Variants in CHRNA1 observed in about 807,000 individuals in gnomAD.
CHRNA1 encodes the protein cholinergic receptor nicotinic alpha 1 subunit, also known as acetylcholine receptor subunit alpha.
A neutral mutation model predicts 47.1 loss-of-function variants in CHRNA1; 35 were observed. The observed-to-expected ratio is 0.74, with a 90% CI of 0.57 to 0.99. The LOEUF (loss-of-function observed/expected upper bound fraction) is 0.99. Among genes scored for constraint, CHRNA1 ranks in the 50% least tolerant of loss-of-function variants. The probability of loss-of-function intolerance (pLI) is 0.00; values close to 1 mark genes in which losing one functional copy is unlikely to be tolerated. For missense variants in CHRNA1, 506 were observed against 591.1 expected (o/e 0.86, Z 1.49); for synonymous variants, 229 against 223.6 (o/e 1.02, Z -0.22).
chr2:174,753,013 G>A (rs1328272339), intron 6 of CHRNA1: 3 of 225,868 alleles, frequency 1.3e-5, no homozygotes, highest in Non-Finnish European at 2.7e-5. Flanking sequence ...CAGCCACTTG[G>A]GAAGTAGGGT....
chr2:174,764,388 G>T lies in CHRNA1; in HGVS notation c.7C>A (p.Pro3Thr). 1 of 1,613,124 alleles carries T rather than the reference G, an allele frequency of 6.2e-7. No individual in the cohort carries two copies. Among genetic ancestry groups the T allele is most frequent in the Non-Finnish European group, 8.5e-7 (1 of 1,179,604 alleles). ...CTAAAGAGCAGGAGGAGAGGCCAGG[G>T]CTCCATGGGCTACCGGAGCTTGTGT... ME[P>T]WPLLLLFSLC... Residue 3 changes from proline to threonine, a missense_variant, in exon 1 of 9, where the codon CCC becomes ACC. Pro to Thr is a conservative substitution (Grantham distance 38). Transcript: ENST00000348749.
chr2:174,749,988 G>A lies in CHRNA1; in HGVS notation c.960C>T (p.His320=), dbSNP rs2229957. The part of the protein sequence containing the change: ...IITVIVINTH[H]RSPSTHVMPN... ...GCATGACATGGGTGCTGGGTGAGCG[G>A]TGGTGTGTGTTGATGACGATGACAG... is the stretch of plus-strand genomic sequence containing the variant. The change falls in exon 7 of 9, where the codon CAC becomes CAT. Residue 320 remains histidine, a synonymous_variant. Transcript: ENST00000348749. 118,201 of 1,613,996 alleles carry A rather than the reference G, an allele frequency of 0.073. 5,798 individuals carry two copies. Among genetic ancestry groups the A allele is most frequent in the South Asian group, 0.2 (18,033 of 91,064 alleles).
intron 5 of CHRNA1, 44 bp from the exon 6 acceptor site, chr2:174,753,784 T>G (rs1309129680): frequency 6.3e-7 from 1 of 1,583,422 alleles, no homozygotes; most frequent in East Asian, 2.2e-5. Flanking sequence ...CAGGTCACCC[T>G]GATGAGGGGC....
chr2:174,755,705 T>C (rs1328850180), intron 4 of CHRNA1, among the ~76,000 whole-genome samples: 2 of 152,096 alleles, frequency 1.3e-5, no homozygotes, highest in African/African-American at 2.4e-5. Flanking sequence ...GGCGTGAGCA[T>C]TGCGCCCAGT....
Position 174,759,548 on chromosome 2 carries a change from T to G in CHRNA1, c.129A>C (p.Glu43Asp), listed in dbSNP as rs140247604. 6.2e-7 allele frequency: 1 copy of G among 1,613,990 alleles called. No individual in the cohort carries two copies. The change falls in exon 2 of 9, where the codon GAA (glutamate) becomes GAC (aspartate). Residue 43 changes from glutamate to aspartate, a missense_variant. Transcript: ENST00000348749. ...TGACCTCCACGACCTGGCGGTGGTC[T>G]TCCACTGGCCGCACCACGCTGCTGT... Reference protein sequence around the residue: ...KDYSSVVRPVEDHRQVVEVTV... With the variant: ...KDYSSVVRPVDDHRQVVEVTV...
At position 174,748,724 on chromosome 2, in the gene CHRNA1, A is replaced by G; in HGVS notation, c.1098T>C (p.Ile366=). 1 of 1,614,226 alleles carries G rather than the reference A, an allele frequency of 6.2e-7. No individual in the cohort carries two copies. The highest frequency in any genetic ancestry group is 8.5e-7 in the Non-Finnish European group (1 of 1,180,036). ...GCTTTCCAGAAATGTCAGAGATATC[A>G]ATGTCTTCTGTAAAAATCTTTTTGT... ...KQDKKIFTED[I]DISDISGKPG... The change falls in exon 8 of 9, where the codon ATT becomes ATC. Residue 366 remains isoleucine, a synonymous_variant. Transcript: ENST00000348749.
intron 6 of CHRNA1, chr2:174,753,284 G>T (rs1373169431): frequency 5.7e-6 from 4 of 697,848 alleles, no homozygotes; most frequent in African/African-American, 1.7e-5. Flanking sequence ...CTAGGGTCAT[G>T]TTCAACTCCC....
At chr2:174,761,518 T>C (rs1684100168) in intron 1 of CHRNA1, among the ~76,000 whole-genome samples, 2 of 152,146 alleles carry the variant, frequency 1.3e-5, no homozygotes, top group African/African-American at 4.8e-5. Flanking sequence ...TTTTGCCACA[T>C]TGTTCAGGCT....
chr2:174,750,279 C>A, intron 6 of CHRNA1, 110 bp from the exon 7 acceptor site: 1 of 812,096 alleles, frequency 1.2e-6, no homozygotes, highest in Non-Finnish European at 2.0e-6. Flanking sequence ...GTCCTGGGAC[C>A]TAAGAATGTG....
Position 174,750,107 on chromosome 2 carries a change from C to T in CHRNA1, c.841G>A (p.Val281Met), listed in dbSNP as rs764265345. The T allele has an allele frequency of 1.7e-5, 28 of 1,613,358 alleles. No homozygotes were observed. Among genetic ancestry groups the T allele is most frequent in the African/African-American group, 2.7e-5 (2 of 74,572 alleles). Reference protein sequence around the residue: ...LSLTVFLLVIVELIPSTSSAV... With the variant: ...LSLTVFLLVIMELIPSTSSAV... ...CTGGACGTGGAGGGGATCAGCTCCA[C>T]GATGACCAGAAGGAACACAGTCAAA... Residue 281 changes from valine (V) to methionine (M), a missense_variant, in exon 7 of 9, where the codon GTG (valine) becomes ATG (methionine). Physicochemically the swap from Val to Met is conservative, Grantham distance 21. Transcript: ENST00000348749.
At chr2:174,754,645 G>C (rs1283295878) in intron 4 of CHRNA1, among the ~76,000 whole-genome samples, 1 of 152,050 alleles carries the variant, frequency 6.6e-6, no homozygotes, top group African/African-American at 2.4e-5. Flanking sequence ...AGTAAACCCT[G>C]AATCTGAGTA....
At chr2:174,762,317 T>C (rs997979522) in intron 1 of CHRNA1, among the ~76,000 whole-genome samples, 5 of 152,218 alleles carry the variant, frequency 3.3e-5, no homozygotes, top group Non-Finnish European at 7.4e-5. Context: ...GATTAGTTCT[T>C]CATGGATTCA....
chr2:174,762,206 T>G (rs1684113425), intron 1 of CHRNA1, among the ~76,000 whole-genome samples: 1 of 152,160 alleles, frequency 6.6e-6, no homozygotes. Context: ...ATTCTTTTCT[T>G]TTTTCCTCCC....
chr2:174,759,378 G>T lies in CHRNA1; in HGVS notation c.190-3C>A. On this transcript the variant is annotated splice_polypyrimidine_tract_variant and splice_region_variant and intron_variant, in intron 2 of 8. Transcript: ENST00000348749. Reference sequence around the variant, plus strand: ...GTCACGATCTGATTTACTTCATCCTGGAAAAAAAAATAAGGATCATTTTTA... The same window carrying T: ...GTCACGATCTGATTTACTTCATCCTTGAAAAAAAAATAAGGATCATTTTTA... 1.3e-6 allele frequency: 2 copies of T among 1,588,878 alleles called. No individual in the cohort carries two copies. The highest frequency in any genetic ancestry group is 2.2e-5 in the South Asian group (2 of 90,586).
Position 174,764,375 on chromosome 2 carries a change from A to C in CHRNA1, c.20T>G (p.Leu7Arg). ...ACCTGAGCAAAGGCTAAAGAGCAGG[A>C]GGAGAGGCCAGGGCTCCATGGGCTA... MEPWPL[L>R]LLFSLCSAGL... The change falls in exon 1 of 9, where the codon CTC (leucine) becomes CGC (arginine). Residue 7 changes from leucine (L) to arginine (R), a missense_variant. Physicochemically the swap from Leu to Arg is moderately radical, Grantham distance 102. Coordinates refer to ENST00000348749, the MANE Select transcript of CHRNA1 (RefSeq NM_000079.4). 2.5e-6 allele frequency: 4 copies of C among 1,613,416 alleles called. No individual in the cohort carries two copies. The highest frequency in any genetic ancestry group is 1.6e-4 in the Middle Eastern group (1 of 6,062).
chr2:174,753,120 A>G, intron 6 of CHRNA1: 1 of 476,386 alleles, frequency 2.1e-6, no homozygotes, highest in East Asian at 3.8e-5. Flanking sequence ...AGGATTAGTC[A>G]GTACATAGAA....
intron 3 of CHRNA1, 28 bp from the exon 4 acceptor site, chr2:174,757,703 A>C: frequency 1.0e-5 from 16 of 1,582,272 alleles, no homozygotes; most frequent in Non-Finnish European, 1.4e-5. Context: ...CAGCTAATTA[A>C]AAAGCCAAAA....
In CHRNA1 at chr2:174,747,680, G is replaced by T; in HGVS notation, c.*444C>A. The T allele has an allele frequency of 4.7e-6, 1 of 213,698 alleles. No individual in the cohort carries two copies. The highest frequency in any genetic ancestry group is 9.6e-6 in the Non-Finnish European group (1 of 104,356). 13.2% of individuals were successfully genotyped at this position (213,698 alleles called of 1,614,324 possible). A position where few individuals can be genotyped will look rare whatever the true frequency, so the allele number is the denominator to read the frequency against. On this transcript the variant is annotated 3_prime_UTR_variant, in exon 9 of 9. Transcript: ENST00000348749. ...ATGCCTTATCTCTTTAGGACTGGTA[G>T]ATGGGGTTTTCTTAGTAGGTACAAA...
intron 4 of CHRNA1, among the ~76,000 whole-genome samples, chr2:174,755,248 T>A (rs1470245247): frequency 2.0e-5 from 3 of 151,884 alleles, no homozygotes; most frequent in Non-Finnish European, 2.9e-5. Flanking sequence ...CTCAGATATC[T>A]CCAGGGCCAG....
Sources: gnomAD v4.1 joint callset for allele counts (sites outside exome capture counted in the v4.1 genomes callset) on GRCh38, gnomAD v4.1.1 for gene constraint, MANE v1.5 for transcripts, NCBI Gene and HGNC (gene_info 2026-07-23, HGNC 2026-07-21) for gene names.